The following TPCN2 variants were observed in gnomAD, a reference collection of about 807,000 sequenced individuals.
The protein encoded by TPCN2 is two pore segment channel 2.
Under a neutral mutation model 111.4 loss-of-function variants are expected in TPCN2, and 92 were observed. The ratio of observed to expected loss-of-function variants is 0.83; its 90% CI spans 0.70 to 0.98. The LOEUF (loss-of-function observed/expected upper bound fraction) is 0.98. Ranked by LOEUF, TPCN2 falls within the 50% of genes least tolerant of loss-of-function variation. The probability of loss-of-function intolerance (pLI) is 0.00; values close to 1 mark genes in which losing one functional copy is unlikely to be tolerated. For synonymous variants in TPCN2, 405 were observed against 414.5 expected, an observed-to-expected ratio of 0.98 and a Z score of 0.28; for missense variants, 995 against 980.1, an observed-to-expected ratio of 1.02 and a Z score of -0.20.
intron 13 of TPCN2, among the ~76,000 whole-genome samples, chr11:69,077,781 A>G (rs1430330551): frequency 1.3e-5 from 2 of 152,196 alleles, no homozygotes; most frequent in Non-Finnish European, 2.9e-5. Context: ...AGCTGTAGCC[A>G]CGTGTCACAT....
At chr11:69,065,273 G>A (rs1011952595) in intron 7 of TPCN2, among the ~76,000 whole-genome samples, 3 of 152,190 alleles carry the variant, frequency 2.0e-5, no homozygotes, top group Admixed American at 6.5e-5. Flanking sequence ...CTGCAGTAGC[G>A]CTGTTTGCCA....
intron 5 of TPCN2, among the ~76,000 whole-genome samples, chr11:69,058,035 C>T (rs961446839): frequency 6.6e-6 from 1 of 152,218 alleles, no homozygotes; most frequent in Non-Finnish European, 1.5e-5. Context: ...AGCGCCACAC[C>T]AGGGCCTCAC....
chr11:69,079,418 T>C (rs11228483), intron 16 of TPCN2: 118,294 of 271,098 alleles, frequency 0.44, 27,097 homozygotes, highest in Non-Finnish European at 0.49. Context: ...TCTTGGGAAA[T>C]GCTTACACTT....
chr11:69,078,442 T>C, intron 13 of TPCN2, 40 bp from the exon 14 acceptor site: 1 of 1,611,090 alleles, frequency 6.2e-7, no homozygotes, highest in Non-Finnish European at 8.5e-7. Flanking sequence ...CAGCCACGGC[T>C]GCTGGCCTGT....
In TPCN2 at chr11:69,087,157, G is replaced by C; in HGVS notation, c.2131G>C (p.Ala711Pro). 6.2e-7 allele frequency: 1 copy of C among 1,613,932 alleles called. No individual in the cohort carries two copies. ...CCCCCGCAGCCACCTGCAGCCCCTTGCTGGGACCCCAGAGGCCACCTACCA... is the reference window on the plus strand; with the variant it reads ...CCCCCGCAGCCACCTGCAGCCCCTTCCTGGGACCCCAGAGGCCACCTACCA... ...WDPRSHLQPL[A>P]GTPEATYQMT... The change falls in exon 24 of 25, where the codon GCT becomes CCT. Residue 711 changes from alanine to proline, a missense_variant. Coordinates refer to ENST00000294309, the MANE Select transcript of TPCN2 (RefSeq NM_139075.4).
intron 13 of TPCN2, among the ~76,000 whole-genome samples, chr11:69,077,090 G>C: frequency 9.4e-6 from 1 of 106,232 alleles, no homozygotes. Flanking sequence ...CTGCCCTCCT[G>C]CCATGTCCCT....
In TPCN2 at chr11:69,085,831, G is replaced by A; in HGVS notation, c.1921-17G>A. On this transcript the variant is annotated splice_polypyrimidine_tract_variant and intron_variant, in intron 21 of 24. Coordinates refer to ENST00000294309, the MANE Select transcript of TPCN2 (RefSeq NM_139075.4). The stretch of plus-strand genomic sequence containing the variant: ...ACCTCCTGGGCCCTCCTGGACCGCT[G>A]GTCTCTGCCCCCGCAGGCTGCCCTG... 6.2e-7 allele frequency: 1 copy of A among 1,614,056 alleles called. No homozygotes were observed. The highest frequency in any genetic ancestry group is 8.5e-7 in the Non-Finnish European group (1 of 1,179,916).
At chr11:69,072,827 CAGGGTG>C in intron 12 of TPCN2, 82 bp from the exon 13 acceptor site, 5 of 1,523,946 alleles carry the variant, frequency 3.3e-6, no homozygotes, top group Non-Finnish European at 4.5e-6. Flanking sequence ...CACAGCCCGT[CAGGGTG>C]GGGTTGGGGC....
At chr11:69,065,757 A>G (rs1855246395) in intron 7 of TPCN2, among the ~76,000 whole-genome samples, 1 of 152,128 alleles carries the variant, frequency 6.6e-6, no homozygotes, top group Non-Finnish European at 1.5e-5. Context: ...TCCAAGAACC[A>G]GGGTTGGTGT....
chr11:69,085,668 C>A lies in TPCN2; in HGVS notation c.1839-3C>A. 6.2e-7 allele frequency: 1 copy of A among 1,604,866 alleles called. No homozygotes were observed. Among genetic ancestry groups the A allele is most frequent in the South Asian group, 1.1e-5 (1 of 90,862 alleles). ...CCTGACCCAGGTGTGTTGTGTTCCC[C>A]AGCCTGGCCCCTGCCAATGGCTCGG... On this transcript the variant is annotated splice_polypyrimidine_tract_variant and splice_region_variant and intron_variant, in intron 20 of 24. Coordinates refer to ENST00000294309, the MANE Select transcript of TPCN2 (RefSeq NM_139075.4).
chr11:69,089,222 T>C lies in TPCN2; in HGVS notation c.*1269T>C, dbSNP rs979942264. The C allele has an allele frequency of 6.6e-6, 1 of 150,952 alleles. No individual in the cohort carries two copies. The highest frequency in any genetic ancestry group is 1.5e-5 in the Non-Finnish European group (1 of 67,726). The allele number at this position is 150,952 out of a possible 1,614,324, so 9.4% of individuals were successfully genotyped here. ...CGAGTCCAAGGAGAAGGTCATGAGT[T>C]TCTTTTTACTCGTGTTGAATAATAA... On this transcript the variant is annotated 3_prime_UTR_variant, in exon 25 of 25. Transcript: ENST00000294309.
chr11:69,071,321 G>T (rs1855526266), intron 9 of TPCN2, 35 bp from the exon 10 acceptor site: 1 of 1,595,356 alleles, frequency 6.3e-7, no homozygotes, highest in South Asian at 1.1e-5. Flanking sequence ...TGCTGTACTG[G>T]TGGCGCCCCT....
At chr11:69,071,470 A>T in intron 10 of TPCN2, 50 bp downstream of exon 10, 1 of 1,551,464 alleles carries the variant, frequency 6.4e-7, no homozygotes, top group Non-Finnish European at 8.8e-7. Context: ...CGGGAGGCCA[A>T]GCAGGGTGTG....
In TPCN2 at chr11:69,088,028, C is replaced by T. The variant is rs927519231; in HGVS notation, c.*75C>T. On this transcript the variant is annotated 3_prime_UTR_variant, in exon 25 of 25. Coordinates refer to ENST00000294309, the MANE Select transcript of TPCN2 (RefSeq NM_139075.4). The stretch of plus-strand genomic sequence containing the variant: ...ACACAGGTGCCCGTCATGGAAGAGG[C>T]GGCCATGCTGTGGCCAGCCAGGCAG... The T allele has an allele frequency of 9.3e-5, 126 of 1,356,080 alleles. 2 individuals carry two copies. The South Asian group carries it at 9.5e-4, about 10-fold the overall frequency. 84.0% of individuals were successfully genotyped at this position (1,356,080 alleles called of 1,614,324 possible).
In TPCN2 at chr11:69,055,352, G is replaced by C. The variant is rs1185842730; in HGVS notation, c.429G>C (p.Lys143Asn). 6.2e-7 allele frequency: 1 copy of C among 1,603,924 alleles called. No individual in the cohort carries two copies. Among genetic ancestry groups the C allele is most frequent in the East Asian group, 2.2e-5 (1 of 44,758 alleles). Reference sequence around the variant, plus strand: ...TCTTTGCGGCCGACCTCTCTGTGAAGGTGAGGCGGGCGCCAGGCCCTCTAC... The same window carrying C: ...TCTTTGCGGCCGACCTCTCTGTGAACGTGAGGCGGGCGCCAGGCCCTCTAC... ...LLVFAADLSVKGYLFGWAHFQ... is the reference protein window; with the variant it reads ...LLVFAADLSVNGYLFGWAHFQ... The change falls in exon 4 of 25, where the codon AAG (lysine) becomes AAC (asparagine). Residue 143 changes from lysine (K) to asparagine (N), a missense_variant and splice_region_variant. Lys to Asn is a moderately conservative substitution (Grantham distance 94). Transcript: ENST00000294309.
chr11:69,057,834 A>G (rs1854841818), intron 5 of TPCN2, 140 bp downstream of exon 5: 1 of 703,200 alleles, frequency 1.4e-6, no homozygotes, highest in East Asian at 2.7e-5. Flanking sequence ...CTCCCATGGC[A>G]CTTCCTTCAC....
At chr11:69,071,312 G>C (rs767548494) in intron 9 of TPCN2, 44 bp from the exon 10 acceptor site, 2 of 1,559,198 alleles carry the variant, frequency 1.3e-6, no homozygotes, top group Non-Finnish European at 1.8e-6. Context: ...TGGTTTTGCT[G>C]CTGTACTGGT....
intron 5 of TPCN2, among the ~76,000 whole-genome samples, chr11:69,058,008 G>A (rs577015630): frequency 6.6e-6 from 1 of 152,332 alleles, no homozygotes; most frequent in African/African-American, 2.4e-5. Flanking sequence ...GGCCTCGGCC[G>A]TCCAGCCCCG....
intron 17 of TPCN2, among the ~76,000 whole-genome samples, 166 bp downstream of exon 17, chr11:69,080,049 G>A (rs1313122493): frequency 6.6e-6 from 1 of 152,228 alleles, no homozygotes; most frequent in Non-Finnish European, 1.5e-5. Flanking sequence ...GGCTGTGTCG[G>A]GGCAGGGCCC....
Sources: allele counts gnomAD v4.1 joint callset (sites outside exome capture counted in the v4.1 genomes callset), GRCh38; gene constraint gnomAD v4.1.1; transcripts MANE v1.5; gene names NCBI Gene and HGNC (gene_info 2026-07-23, HGNC 2026-07-21).